The following CTNNA2 variants were observed in gnomAD, a reference collection of about 807,000 sequenced individuals.
CTNNA2 encodes the protein catenin alpha-2.
Under a neutral mutation model 101.0 loss-of-function variants are expected in CTNNA2, and 42 were observed. The ratio of observed to expected loss-of-function variants is 0.42; its 90% confidence interval spans 0.32 to 0.54. CTNNA2 has a LOEUF of 0.54. CTNNA2 is among the 20% of genes least tolerant of loss of function. The pLI, the probability that CTNNA2 is intolerant of heterozygous loss-of-function variation, is 0.14. For missense variants in CTNNA2, 871 were observed against 1,223.1 expected (o/e 0.71, Z 4.29); for synonymous variants, 450 against 456.4 (o/e 0.99, Z 0.18).
chr2:80,571,159 C>A (rs1033844655), intron 12 of CTNNA2, among the ~76,000 whole-genome samples: 2 of 152,254 alleles, frequency 1.3e-5, no homozygotes, highest in Admixed American at 6.5e-5. Flanking sequence ...CCTTTATATT[C>A]GAGAAAGGTC....
intron 2 of CTNNA2, among the ~76,000 whole-genome samples, chr2:79,717,544 G>A (rs1001740423): frequency 6.6e-6 from 1 of 152,134 alleles, no homozygotes; most frequent in Admixed American, 6.5e-5. Flanking sequence ...ATTCCTAGGT[G>A]GCTGGAGCTT....
intron 7 of CTNNA2, among the ~76,000 whole-genome samples, chr2:80,379,898 C>T (rs555939831): frequency 6.6e-6 from 1 of 152,168 alleles, no homozygotes; most frequent in South Asian, 2.1e-4. Context: ...CTAAGACTCT[C>T]CTATTTATTT....
chr2:80,416,597 A>T (rs1232254362), intron 8 of CTNNA2, among the ~76,000 whole-genome samples: 1 of 152,126 alleles, frequency 6.6e-6, no homozygotes, highest in African/African-American at 2.4e-5. Flanking sequence ...TTAAAATTAC[A>T]TAAAATACTT....
Position 80,581,786 on chromosome 2 carries a change from G to A in CTNNA2, c.1974G>A (p.Glu658=). ...GTAGCAGGACAAGTGTTCAGACTGA[G>A]GATGACCAGCTCATTGCAGGGCAGA... ...DVRSRTSVQT[E]DDQLIAGQSA... is the part of the protein sequence containing the mutation. The change falls in exon 14 of 19, where the codon GAG becomes GAA. Residue 658 remains glutamate, a synonymous_variant. Coordinates refer to ENST00000402739, the MANE Select transcript of CTNNA2 (RefSeq NM_001282597.3). The A allele has an allele frequency of 6.2e-7, 1 of 1,612,938 alleles. No homozygotes were observed. The highest frequency in any genetic ancestry group is 8.5e-7 in the Non-Finnish European group (1 of 1,179,120).
chr2:79,731,420 A>G (rs1459856779), intron 2 of CTNNA2, among the ~76,000 whole-genome samples: 1 of 152,048 alleles, frequency 6.6e-6, no homozygotes, highest in Non-Finnish European at 1.5e-5. Context: ...GAAACTGACT[A>G]ATGTGTTTTT....
intron 7 of CTNNA2, among the ~76,000 whole-genome samples, chr2:80,153,426 C>T (rs1039638728): frequency 1.5e-4 from 23 of 152,168 alleles, no homozygotes; most frequent in Admixed American, 9.2e-4. Context: ...AAACCTAATG[C>T]CTCACACTGA....
chr2:79,214,629 G>A (rs1674222439), intron 2 of CTNNA2, among the ~76,000 whole-genome samples: 1 of 152,050 alleles, frequency 6.6e-6, no homozygotes. Context: ...TCAGTTGCCA[G>A]GGAAGGAGTA....
At chr2:79,376,387 C>A (rs1677974993) in intron 4 of CTNNA2, among the ~76,000 whole-genome samples, 1 of 151,670 alleles carries the variant, frequency 6.6e-6, no homozygotes, top group Admixed American at 6.6e-5. Context: ...AACCTCCTAC[C>A]TGTATTACTG....
At chr2:80,033,365 G>A (rs889252844) in intron 7 of CTNNA2, among the ~76,000 whole-genome samples, 2 of 151,908 alleles carry the variant, frequency 1.3e-5, no homozygotes, top group Non-Finnish European at 2.9e-5. Context: ...TCAAGCCTAG[G>A]AATTCAAGAC....
rs557263396 is a variant in CTNNA2, at chr2:79,798,416, A to G, written c.298+53834A>G. On this transcript the variant is annotated intron_variant, in intron 3 of 18. Coordinates refer to ENST00000402739, the MANE Select transcript of CTNNA2 (RefSeq NM_001282597.3). ...TTTATCAGAACCATCTAACAGTATAATAAGATATTTCTTTTTTCCTTTTAT... is the reference window on the plus strand; with the variant it reads ...TTTATCAGAACCATCTAACAGTATAGTAAGATATTTCTTTTTTCCTTTTAT... 1.3e-4 allele frequency among the ~76,000 whole-genome samples: 20 copies of G among 152,308 alleles called. No homozygotes were observed. The South Asian group carries it at 3.9e-3, about 30-fold the overall frequency.
chr2:80,054,830 G>A (rs996111016), intron 7 of CTNNA2, among the ~76,000 whole-genome samples: 3 of 152,140 alleles, frequency 2.0e-5, no homozygotes, highest in Non-Finnish European at 4.4e-5. Context: ...TACCTGAGGT[G>A]AGGTAGGTGG....
intron 7 of CTNNA2, among the ~76,000 whole-genome samples, chr2:80,065,471 A>G (rs958808169): frequency 2.0e-5 from 3 of 151,294 alleles, no homozygotes; most frequent in Admixed American, 1.3e-4. Flanking sequence ...CTCCTGCCTC[A>G]GCCTCCCTAG....
chr2:80,414,301 G>T (rs758664086), intron 8 of CTNNA2, among the ~76,000 whole-genome samples: 1 of 152,188 alleles, frequency 6.6e-6, no homozygotes, highest in Non-Finnish European at 1.5e-5. Flanking sequence ...TAGCATACTT[G>T]CCATTCCTGT....
At chr2:80,047,334 C>T (rs976725145) in intron 7 of CTNNA2, among the ~76,000 whole-genome samples, 1 of 152,202 alleles carries the variant, frequency 6.6e-6, no homozygotes, top group Non-Finnish European at 1.5e-5. Context: ...AACCTAGAGG[C>T]TACCGTATGG....
At chr2:80,541,038 C>A (rs1445084812) in intron 9 of CTNNA2, among the ~76,000 whole-genome samples, 1 of 152,114 alleles carries the variant, frequency 6.6e-6, no homozygotes, top group African/African-American at 2.4e-5. Context: ...AGCTAAGGAT[C>A]ATTTGCTGAT....
At chr2:80,413,342 T>G (rs2149397527) in intron 8 of CTNNA2, among the ~76,000 whole-genome samples, 1 of 152,334 alleles carries the variant, frequency 6.6e-6, no homozygotes, top group South Asian at 2.1e-4. Context: ...AAAATGATTT[T>G]GCTTCATGAA....
At chr2:80,555,339 G>A (rs537880797) in intron 11 of CTNNA2, among the ~76,000 whole-genome samples, 1 of 152,270 alleles carries the variant, frequency 6.6e-6, no homozygotes, top group South Asian at 2.1e-4. Context: ...CAAAGGAAGG[G>A]ATATTCTTTA....
intron 1 of CTNNA2, among the ~76,000 whole-genome samples, chr2:79,628,024 A>G (rs1191966158): frequency 6.6e-6 from 1 of 152,170 alleles, no homozygotes; most frequent in Non-Finnish European, 1.5e-5. Flanking sequence ...ATAAGTATAG[A>G]TAGTCCATTT....
intron 4 of CTNNA2, among the ~76,000 whole-genome samples, chr2:79,400,014 C>T (rs1316420061): frequency 1.3e-5 from 2 of 151,884 alleles, no homozygotes; most frequent in East Asian, 3.9e-4. Context: ...TGGAGCACAG[C>T]TTGGTTTTAT....
Sources: allele counts gnomAD v4.1 joint callset (sites outside exome capture counted in the v4.1 genomes callset), GRCh38; gene constraint gnomAD v4.1.1; transcripts MANE v1.5; gene names NCBI Gene and HGNC (gene_info 2026-07-23, HGNC 2026-07-21).